Variants in TEX2 observed in about 807,000 individuals in gnomAD.
The protein encoded by TEX2 is testis expressed 2.
A neutral mutation model predicts 106.9 loss-of-function variants in TEX2; 53 were observed. That is an observed-to-expected ratio of 0.50 (90% CI 0.40 to 0.62). The LOEUF is 0.62. TEX2 is among the 20% of genes least tolerant of loss of function. The probability of loss-of-function intolerance (pLI) is 0.00; values close to 1 mark genes in which losing one functional copy is unlikely to be tolerated. For missense variants in TEX2, 1,207 were observed against 1,379.0 expected (o/e 0.88, Z 1.98); for synonymous variants, 523 against 534.8 (o/e 0.98, Z 0.30).
At chr17:64,203,466 G>A (rs1415289225) in intron 2 of TEX2, among the ~76,000 whole-genome samples, 6 of 152,184 alleles carry the variant, frequency 3.9e-5, no homozygotes, top group Non-Finnish European at 8.8e-5. Context: ...ACATAAGCAG[G>A]ATTTTGTCTT....
intron 7 of TEX2, among the ~76,000 whole-genome samples, chr17:64,164,674 G>C (rs1217506795): frequency 6.6e-6 from 1 of 152,196 alleles, no homozygotes. Flanking sequence ...CAAAAGCACT[G>C]AGATGAACCC....
At chr17:64,204,811 C>T (rs1288031637) in intron 2 of TEX2, among the ~76,000 whole-genome samples, 2 of 152,124 alleles carry the variant, frequency 1.3e-5, no homozygotes, top group Admixed American at 1.3e-4. Flanking sequence ...AAGGTATTTT[C>T]AGGATGCTAA....
chr17:64,207,932 T>G (rs2032884793), intron 2 of TEX2, among the ~76,000 whole-genome samples: 1 of 152,084 alleles, frequency 6.6e-6, no homozygotes, highest in South Asian at 2.1e-4. Flanking sequence ...GAGACAGGAT[T>G]TCACTGTTAG....
chr17:64,212,917 C>T lies in TEX2; in HGVS notation c.1301G>A (p.Ser434Asn), dbSNP rs2033052436. 3 of 1,614,160 alleles carry T rather than the reference C, an allele frequency of 1.9e-6. No homozygotes were observed. Among genetic ancestry groups the T allele is most frequent in the Non-Finnish European group, 2.5e-6 (3 of 1,179,970 alleles). Reference protein sequence around the residue: ...EDFDLETEGESKVDKLSDIPL... With the variant: ...EDFDLETEGENKVDKLSDIPL... ...AATATCTGAGAGCTTATCAACTTTA[C>T]TCTCCCCCTCCGTTTCCAAATCGAA... is the stretch of plus-strand genomic sequence containing the variant. The change falls in exon 2 of 12, where the codon AGT becomes AAT. Residue 434 changes from serine to asparagine, a missense_variant. Physicochemically the swap from Ser to Asn is conservative, Grantham distance 46. This residue lies in a region of TEX2 where 1,067 missense variants were observed against 1,193.6 expected (regional missense o/e 0.89). Coordinates refer to ENST00000584379, the MANE Select transcript of TEX2 (RefSeq NM_001288732.2).
chr17:64,171,278 G>T (rs941208716), intron 6 of TEX2, 79 bp from the exon 7 acceptor site: 3 of 1,248,940 alleles, frequency 2.4e-6, no homozygotes, highest in African/African-American at 3.0e-5. Flanking sequence ...CATGCTTCCG[G>T]AGAGGATGGT....
At chr17:64,152,886 A>G in intron 10 of TEX2, 59 bp downstream of exon 10, 1 of 1,543,676 alleles carries the variant, frequency 6.5e-7, no homozygotes, top group Non-Finnish European at 8.8e-7. Context: ...GCAGGCTGGG[A>G]TTTCTGTGGC....
chr17:64,223,732 T>TTTTTC (rs2033428378), intron 1 of TEX2, among the ~76,000 whole-genome samples: 1 of 149,894 alleles, frequency 6.7e-6, no homozygotes. Context: ...TTTTTTTTTT[T>TTTTTC]GCGATGGAGT....
intron 5 of TEX2, among the ~76,000 whole-genome samples, chr17:64,183,707 C>T (rs773642352): frequency 3.3e-5 from 5 of 152,152 alleles, no homozygotes; most frequent in Admixed American, 1.3e-4. Flanking sequence ...GGATTATAGG[C>T]GTGAGCCACC....
chr17:64,173,266 C>T (rs1321142637), intron 6 of TEX2, among the ~76,000 whole-genome samples: 2 of 152,106 alleles, frequency 1.3e-5, no homozygotes, highest in Non-Finnish European at 2.9e-5. Context: ...GCAAGTCCCT[C>T]TCCTTTTTTT....
intron 1 of TEX2, chr17:64,242,151 G>T (rs2033900101): frequency 6.6e-6 from 1 of 152,152 alleles, no homozygotes; most frequent in Admixed American, 6.5e-5. Flanking sequence ...ATTCCATATA[G>T]TTCAGAAGAG....
At chr17:64,254,954 C>T (rs2034157385) in intron 1 of TEX2, among the ~76,000 whole-genome samples, 1 of 151,906 alleles carries the variant, frequency 6.6e-6, no homozygotes, top group African/African-American at 2.4e-5. Context: ...CTTGAATTCC[C>T]AGGCTTAAGC....
At chr17:64,244,856 C>G (rs1203114822) in intron 1 of TEX2, among the ~76,000 whole-genome samples, 1 of 152,112 alleles carries the variant, frequency 6.6e-6, no homozygotes, top group Non-Finnish European at 1.5e-5. Context: ...TCTACTCCCC[C>G]CAACCCTGGC....
chr17:64,199,201 G>C (rs1555629767), intron 2 of TEX2, among the ~76,000 whole-genome samples: 1 of 152,142 alleles, frequency 6.6e-6, no homozygotes, highest in African/African-American at 2.4e-5. Flanking sequence ...AATATAATGT[G>C]AGCCATAAAT....
chr17:64,204,281 G>T (rs1215878636), intron 2 of TEX2, among the ~76,000 whole-genome samples: 1 of 152,114 alleles, frequency 6.6e-6, no homozygotes, highest in East Asian at 1.9e-4. Flanking sequence ...AAGAGCAAAA[G>T]ATGAAATAAT....
At chr17:64,170,493 C>T (rs2031333597) in intron 7 of TEX2, among the ~76,000 whole-genome samples, 1 of 152,148 alleles carries the variant, frequency 6.6e-6, no homozygotes, top group Non-Finnish European at 1.5e-5. Flanking sequence ...CATGCCCTGG[C>T]AAGGGCTGCA....
intron 1 of TEX2, among the ~76,000 whole-genome samples, chr17:64,215,175 T>C (rs2033147658): frequency 6.6e-6 from 1 of 152,246 alleles, no homozygotes; most frequent in South Asian, 2.1e-4. Context: ...CCTTGTGACA[T>C]GGTACAGTCA....
At chr17:64,253,456 T>C (rs556249483) in intron 1 of TEX2, among the ~76,000 whole-genome samples, 18 of 151,940 alleles carry the variant, frequency 1.2e-4, no homozygotes, top group African/African-American at 3.4e-4. Flanking sequence ...TGAGCCACCA[T>C]GCCCGGCCAT....
rs1479678294 is a variant in TEX2, at chr17:64,244,573, C to T, written c.-26+18595G>A. On this transcript the variant is annotated intron_variant, in intron 1 of 11. Transcript: ENST00000584379. The stretch of plus-strand genomic sequence containing the variant: ...ACTCCAAATGCAGGGTACATCTCCA[C>T]AGAAACTTTCCTCCCAGGCAAGCTT... Among the ~76,000 whole-genome samples, 3 of 152,166 alleles carry T rather than the reference C, an allele frequency of 2.0e-5. No homozygotes were observed. The East Asian group carries it at 5.8e-4, about 29-fold the overall frequency.
At chr17:64,204,479 G>A (rs1254688079) in intron 2 of TEX2, among the ~76,000 whole-genome samples, 1 of 152,174 alleles carries the variant, frequency 6.6e-6, no homozygotes, top group African/African-American at 2.4e-5. Context: ...ATGGTCATCT[G>A]TATGTTAAAT....
Sources: gnomAD v4.1 joint callset for allele counts (sites outside exome capture counted in the v4.1 genomes callset) on GRCh38, gnomAD v4.1.1 for gene constraint, gnomAD v4.1.1 regional missense constraint, MANE v1.5 for transcripts, NCBI Gene and HGNC (gene_info 2026-07-23, HGNC 2026-07-21) for gene names.